GUCY1A2: variants seen among roughly 807,000 people sequenced by gnomAD.
The protein encoded by GUCY1A2 is guanylate cyclase soluble subunit alpha-2.
Under a neutral mutation model 63.5 loss-of-function variants are expected in GUCY1A2, and 27 were observed. The ratio of observed to expected loss-of-function variants is 0.43; its 90% confidence interval spans 0.31 to 0.59. The LOEUF is 0.59. GUCY1A2 is among the 20% of genes least tolerant of loss of function. The probability of loss-of-function intolerance (pLI) is 0.11; values close to 1 mark genes in which losing one functional copy is unlikely to be tolerated. For synonymous variants in GUCY1A2, 364 were observed against 343.5 expected (o/e 1.06, Z -0.66); for missense variants, 768 against 913.3 (o/e 0.84, Z 2.05).
At chr11:106,735,702 C>G (rs1055357008) in intron 6 of GUCY1A2, among the ~76,000 whole-genome samples, 1 of 152,084 alleles carries the variant, frequency 6.6e-6, no homozygotes, top group African/African-American at 2.4e-5. Context: ...TTTTGGGGAA[C>G]CTCCATACTC....
chr11:106,800,540 A>G (rs555390568), intron 5 of GUCY1A2, among the ~76,000 whole-genome samples: 7 of 152,316 alleles, frequency 4.6e-5, no homozygotes, highest in African/African-American at 1.4e-4. Flanking sequence ...GATATACACC[A>G]TGGAATACTA....
intron 1 of GUCY1A2, among the ~76,000 whole-genome samples, chr11:107,002,388 GGTGTGTGTGT>G (rs71044205): frequency 6.7e-6 from 1 of 149,032 alleles, no homozygotes; most frequent in African/African-American, 2.5e-5. Context: ...AATAAGAACA[GGTGTGTGTGT>G]GTGTGTGTGT....
chr11:106,827,050 A>G lies in GUCY1A2; in HGVS notation c.1207-16572T>C, dbSNP rs552392274. The G allele has an allele frequency of 1.6e-5, 25 of 1,574,842 alleles. No homozygotes were observed. In the African/African-American group the frequency reaches 3.2e-4, roughly 20 times the overall value. ...TGTAACTGACGTATGGTCTCTTGGA[A>G]AAGTGAAGGACTTTTTCTTCAAAAT... On this transcript the variant is annotated intron_variant, in intron 4 of 7. Transcript: ENST00000526355.
chr11:106,835,386 G>A (rs1859103084), intron 4 of GUCY1A2, among the ~76,000 whole-genome samples: 1 of 151,736 alleles, frequency 6.6e-6, no homozygotes, highest in Admixed American at 6.6e-5. Context: ...AGAACAAAGA[G>A]CTAAAGAGTA....
chr11:106,922,626 C>G (rs570479351), intron 4 of GUCY1A2, among the ~76,000 whole-genome samples: 82 of 134,560 alleles, frequency 6.1e-4, no homozygotes, highest in Middle Eastern at 4.2e-3. Context: ...ATTATAATTA[C>G]TCTCAAATAA....
At chr11:106,791,953 C>A (rs1864669196) in intron 5 of GUCY1A2, among the ~76,000 whole-genome samples, 1 of 152,004 alleles carries the variant, frequency 6.6e-6, no homozygotes, top group African/African-American at 2.4e-5. Context: ...TCTGTAAGGG[C>A]AGCATCATCC....
chr11:106,958,803 G>GA (rs879620722), intron 3 of GUCY1A2, among the ~76,000 whole-genome samples: 2 of 152,132 alleles, frequency 1.3e-5, no homozygotes, highest in Non-Finnish European at 2.9e-5. Context: ...TCTAACCTGG[G>GA]AAAATAGATG....
At chr11:106,855,892 A>ATTTTCTTT (rs1277246984) in intron 4 of GUCY1A2, among the ~76,000 whole-genome samples, 3 of 29,914 alleles carry the variant, frequency 1.0e-4, no homozygotes, top group African/African-American at 3.6e-4. Flanking sequence ...GGTCTCTTGT[A>ATTTTCTTT]TTTTATTTAT....
At chr11:106,713,516 TTTTTTTTTG>T (rs1863160149) in intron 6 of GUCY1A2, among the ~76,000 whole-genome samples, 1 of 139,168 alleles carries the variant, frequency 7.2e-6, no homozygotes, top group Admixed American at 7.2e-5. Flanking sequence ...TTTTTTTTTT[TTTTTTTTTG>T]AGACGGAGTC....
chr11:106,959,849 G>A (rs529155619), intron 3 of GUCY1A2, among the ~76,000 whole-genome samples: 113 of 152,288 alleles, frequency 7.4e-4, no homozygotes, highest in Admixed American at 1.6e-3. Flanking sequence ...TACCTTTCAT[G>A]AGAATGACCC....
At chr11:106,829,739 C>A (rs1164864809) in intron 4 of GUCY1A2, among the ~76,000 whole-genome samples, 1 of 152,086 alleles carries the variant, frequency 6.6e-6, no homozygotes, top group African/African-American at 2.4e-5. Flanking sequence ...GAAATCAGTC[C>A]ACTACTTCAA....
chr11:106,902,530 A>G (rs550406113), intron 4 of GUCY1A2, among the ~76,000 whole-genome samples: 3 of 152,304 alleles, frequency 2.0e-5, no homozygotes, highest in African/African-American at 7.2e-5. Flanking sequence ...CACAATGAAA[A>G]TATTTTGTTG....
chr11:106,789,883 C>T (rs1382171067), intron 5 of GUCY1A2, among the ~76,000 whole-genome samples: 1 of 152,162 alleles, frequency 6.6e-6, no homozygotes, highest in African/African-American at 2.4e-5. Context: ...GCTGAGCCAC[C>T]TGGGGCTTGG....
At position 106,700,235 on chromosome 11, in the gene GUCY1A2, A is replaced by G. The variant is rs79672104; in HGVS notation, c.1991+8277T>C. On this transcript the variant is annotated intron_variant, in intron 7 of 7. Transcript: ENST00000526355. ...ACTGTAAAAATAACTGCAACATTAT[A>G]TTCTGATTTTTAAAGACTTCACTGC... Among the ~76,000 whole-genome samples, 439 of 152,272 alleles carry G rather than the reference A, an allele frequency of 2.9e-3. 2 individuals carry two copies. The highest frequency in any genetic ancestry group is 3.3e-3 in the Non-Finnish European group (227 of 68,024).
chr11:106,976,464 T>C (rs10789557), intron 3 of GUCY1A2, among the ~76,000 whole-genome samples: 56,799 of 151,954 alleles, frequency 0.37, 10,954 homozygotes, highest in Non-Finnish European at 0.42. Flanking sequence ...CCAAGATTAA[T>C]CATAGCTCAG....
At position 106,721,030 on chromosome 11, in the gene GUCY1A2, A is replaced by G. The variant is rs564613771; in HGVS notation, c.1837-12364T>C. Among the ~76,000 whole-genome samples, 5 of 151,750 alleles carry G rather than the reference A, an allele frequency of 3.3e-5. No homozygotes were observed. In the East Asian group the frequency reaches 7.7e-4, roughly 23 times the overall value. ...AAATTTATTTAAAAATGTAAGTCAT[A>G]TGCTTCTCCACCAATAAAAAGGACA... On this transcript the variant is annotated intron_variant, in intron 6 of 7. Transcript: ENST00000526355.
chr11:106,710,388 A>ATATAGT (rs1202593256), intron 6 of GUCY1A2, among the ~76,000 whole-genome samples: 2 of 129,198 alleles, frequency 1.5e-5, no homozygotes, highest in South Asian at 2.3e-4. Context: ...TATATATAAT[A>ATATAGT]TATAGTTATA....
intron 5 of GUCY1A2, among the ~76,000 whole-genome samples, chr11:106,808,678 G>A (rs1858724805): frequency 6.6e-6 from 1 of 152,100 alleles, no homozygotes; most frequent in Non-Finnish European, 1.5e-5. Flanking sequence ...ACTGGAGGAA[G>A]CAAACACTGC....
At chr11:106,757,900 G>A (rs10890579) in intron 6 of GUCY1A2, among the ~76,000 whole-genome samples, 3,333 of 152,296 alleles carry the variant, frequency 0.022, 50 homozygotes, top group Admixed American at 0.034. Context: ...AACCACTGCT[G>A]TCTTTAGAGC....
Sources: gnomAD v4.1 joint callset for allele counts (sites outside exome capture counted in the v4.1 genomes callset) on GRCh38, gnomAD v4.1.1 for gene constraint, MANE v1.5 for transcripts, NCBI Gene and HGNC (gene_info 2026-07-23, HGNC 2026-07-21) for gene names.